KIAA0825: variants seen among roughly 807,000 people sequenced by gnomAD.
The protein encoded by KIAA0825 is uncharacterized protein KIAA0825.
Under a neutral mutation model 147.6 loss-of-function variants are expected in KIAA0825, and 119 were observed. That is an observed-to-expected ratio of 0.81 (90% CI 0.69 to 0.94). The LOEUF is 0.94. Among genes scored for constraint, KIAA0825 ranks in the 40% least tolerant of loss-of-function variants. The pLI is 0.00. For synonymous variants in KIAA0825, 470 were observed against 518.1 expected, an observed-to-expected ratio of 0.91 and a Z score of 1.26; for missense variants, 1,381 against 1,472.7, an observed-to-expected ratio of 0.94 and a Z score of 1.02.
intron 20 of KIAA0825, among the ~76,000 whole-genome samples, chr5:94,314,065 C>A (rs533907732): frequency 6.6e-6 from 1 of 151,656 alleles, no homozygotes; most frequent in South Asian, 2.1e-4. Flanking sequence ...CTGTTATAAA[C>A]CCTGCAAGAC....
Position 94,396,090 on chromosome 5 carries a change from C to T in KIAA0825, c.3296+11G>A. The T allele has an allele frequency of 1.4e-6, 2 of 1,419,654 alleles. No homozygotes were observed. The highest frequency in any genetic ancestry group is 1.8e-6 in the Non-Finnish European group (2 of 1,084,732). 87.9% of individuals were successfully genotyped at this position (1,419,654 alleles called of 1,614,324 possible). A position where few individuals can be genotyped will look rare whatever the true frequency, so the allele number is the denominator to read the frequency against. The stretch of plus-strand genomic sequence containing the variant: ...TTGATGAAATCCAATAAGAGAAAAA[C>T]ATCACTTTACCATTCAGTGCTCAGT... On this transcript the variant is annotated intron_variant, in intron 17 of 20. Coordinates refer to ENST00000682413, the MANE Select transcript of KIAA0825 (RefSeq NM_001145678.3).
At chr5:94,441,443 C>T (rs560432991) in intron 13 of KIAA0825, among the ~76,000 whole-genome samples, 1 of 152,258 alleles carries the variant, frequency 6.6e-6, no homozygotes, top group East Asian at 1.9e-4. Context: ...ACAGGTCCAC[C>T]TTGGCTGCAC....
chr5:94,272,674 TA>T (rs1214435350), intron 20 of KIAA0825, among the ~76,000 whole-genome samples: 1 of 152,156 alleles, frequency 6.6e-6, no homozygotes, highest in Admixed American at 6.5e-5. Flanking sequence ...TCAAGCAGGT[TA>T]AAAAAATAAT....
intron 20 of KIAA0825, among the ~76,000 whole-genome samples, chr5:94,257,638 T>C (rs1776309570): frequency 6.6e-6 from 1 of 152,072 alleles, no homozygotes; most frequent in Admixed American, 6.6e-5. Context: ...TTCTTACATA[T>C]CCCAGGTCTA....
chr5:94,439,313 T>C (rs1360992950), intron 14 of KIAA0825, among the ~76,000 whole-genome samples: 2 of 152,156 alleles, frequency 1.3e-5, no homozygotes, highest in African/African-American at 2.4e-5. Flanking sequence ...CACAGGAGTA[T>C]GTGAAAATGG....
chr5:94,617,106 T>C (rs1262823753), intron 1 of KIAA0825, among the ~76,000 whole-genome samples: 1 of 152,122 alleles, frequency 6.6e-6, no homozygotes, highest in Non-Finnish European at 1.5e-5. Flanking sequence ...TTAAATAAAA[T>C]AATAAATGTA....
At chr5:94,451,970 A>G (rs1758472198) in intron 13 of KIAA0825, among the ~76,000 whole-genome samples, 1 of 152,236 alleles carries the variant, frequency 6.6e-6, no homozygotes, top group Admixed American at 6.5e-5. Flanking sequence ...GAAATAAAAT[A>G]TATTTATGGG....
intron 20 of KIAA0825, among the ~76,000 whole-genome samples, chr5:94,242,418 G>C (rs1357856524): frequency 1.3e-5 from 2 of 152,030 alleles, no homozygotes; most frequent in African/African-American, 4.8e-5. Context: ...AGCACCTAAC[G>C]TGAGTGGTCT....
At chr5:94,263,649 G>GTC (rs376859806) in intron 20 of KIAA0825, among the ~76,000 whole-genome samples, 11 of 150,582 alleles carry the variant, frequency 7.3e-5, no homozygotes, top group Middle Eastern at 3.2e-3. Flanking sequence ...TTTCTTCAAT[G>GTC]TCTCTCTCTC....
chr5:94,185,480 A>G (rs1055359085), intron 20 of KIAA0825, among the ~76,000 whole-genome samples: 6 of 152,168 alleles, frequency 3.9e-5, no homozygotes, highest in Admixed American at 1.3e-4. Context: ...TTGTTTTTAG[A>G]TACCCACTAC....
intron 20 of KIAA0825, among the ~76,000 whole-genome samples, chr5:94,278,704 C>A (rs1442348819): frequency 1.3e-5 from 2 of 152,052 alleles, no homozygotes; most frequent in African/African-American, 4.8e-5. Context: ...AACTTCTATC[C>A]TGAATGATCA....
intron 6 of KIAA0825, among the ~76,000 whole-genome samples, chr5:94,483,582 T>C (rs1358668790): frequency 1.3e-5 from 2 of 151,788 alleles, no homozygotes. Flanking sequence ...TTTGGTTTTT[T>C]TGGGGGGGTT....
At chr5:94,223,387 C>A (rs1388463029) in intron 20 of KIAA0825, among the ~76,000 whole-genome samples, 2 of 152,130 alleles carry the variant, frequency 1.3e-5, no homozygotes, top group African/African-American at 2.4e-5. Flanking sequence ...CAAAAGTATA[C>A]CTCACGTAGA....
chr5:94,329,942 AGAGT>A (rs1781095403), intron 20 of KIAA0825, among the ~76,000 whole-genome samples: 1 of 152,208 alleles, frequency 6.6e-6, no homozygotes. Context: ...TTCTGCAGAC[AGAGT>A]AAGATGAAGA....
Position 94,345,390 on chromosome 5 carries a change from C to T in KIAA0825, c.3710+38978G>A, listed in dbSNP as rs982767416. Among the ~76,000 whole-genome samples, 4 of 152,148 alleles carry T rather than the reference C, an allele frequency of 2.6e-5. No homozygotes were observed. In the East Asian group the frequency reaches 7.7e-4, roughly 29 times the overall value. On this transcript the variant is annotated intron_variant, in intron 20 of 20. Coordinates refer to ENST00000682413, the MANE Select transcript of KIAA0825 (RefSeq NM_001145678.3). ...TTCCTAGAAAGAAAAATATCCATGT[C>T]ACATGTCATTACAACTTGTATTTTG...
At chr5:94,421,168 C>T (rs900195061) in intron 14 of KIAA0825, among the ~76,000 whole-genome samples, 5 of 152,194 alleles carry the variant, frequency 3.3e-5, no homozygotes, top group Admixed American at 2.0e-4. Context: ...GTCTTAACTA[C>T]TCAACTCTTC....
intron 3 of KIAA0825, among the ~76,000 whole-genome samples, chr5:94,531,809 ATCT>A (rs1223367942): frequency 2.6e-5 from 4 of 152,234 alleles, no homozygotes; most frequent in South Asian, 4.1e-4. Flanking sequence ...ATTAATTTGC[ATCT>A]TCTTATTATT....
intron 20 of KIAA0825, among the ~76,000 whole-genome samples, chr5:94,330,716 T>A (rs1031478792): frequency 7.0e-6 from 1 of 141,948 alleles, no homozygotes; most frequent in Non-Finnish European, 1.6e-5. Context: ...AAAAACAAAA[T>A]AGAGAAAAAT....
intron 1 of KIAA0825, chr5:94,593,586 A>C: frequency 1.8e-6 from 1 of 542,504 alleles, no homozygotes; most frequent in Non-Finnish European, 3.5e-6. Flanking sequence ...AACTTAAATC[A>C]ACTATGTTAT....
Sources: gnomAD v4.1 joint callset for allele counts (sites outside exome capture counted in the v4.1 genomes callset) on GRCh38, gnomAD v4.1.1 for gene constraint, MANE v1.5 for transcripts, NCBI Gene and HGNC (gene_info 2026-07-23, HGNC 2026-07-21) for gene names.